The following TTLL6 variants were observed in gnomAD, a reference collection of about 807,000 sequenced individuals.
The protein encoded by TTLL6 is tubulin tyrosine ligase like 6, also known as tubulin polyglutamylase TTLL6.
TTLL6 carries 75 observed loss-of-function variants against 96.4 expected under a neutral mutation model. The observed-to-expected ratio is 0.78, with a 90% confidence interval of 0.65 to 0.94. The LOEUF is 0.94. Ranked by LOEUF, TTLL6 falls within the 40% of genes least tolerant of loss-of-function variation. The pLI, the probability that TTLL6 is intolerant of heterozygous loss-of-function variation, is 0.00. For missense variants in TTLL6, 1,030 were observed against 1,093.0 expected, an observed-to-expected ratio of 0.94 and a Z score of 0.81; for synonymous variants, 411 against 419.4, an observed-to-expected ratio of 0.98 and a Z score of 0.24.
At chr17:48,795,677 C>G (rs188987282) in intron 8 of TTLL6, among the ~76,000 whole-genome samples, 1 of 152,282 alleles carries the variant, frequency 6.6e-6, no homozygotes, top group Admixed American at 6.5e-5. Flanking sequence ...GAACATGGGC[C>G]AAGCAATGAC....
Position 48,801,271 on chromosome 17 carries a change from A to G in TTLL6, c.595T>C (p.Trp199Arg). The change falls in exon 5 of 16, where the codon TGG becomes CGG. Residue 199 changes from tryptophan (W) to arginine (R), a missense_variant. Transcript: ENST00000393382. The stretch of plus-strand genomic sequence containing the variant: ...GGCACTCACTCAGCAGGAAGACACC[A>G]GGTCCTAGGGAAAAAGCGGAAATCT... The part of the protein sequence containing the change: ...PKDFRFFPRT[W>R]CLPADWGDLQ... 3 of 1,551,700 alleles carry G rather than the reference A, an allele frequency of 1.9e-6. No homozygotes were observed. The highest frequency in any genetic ancestry group is 2.6e-6 in the Non-Finnish European group (3 of 1,146,974).
At chr17:48,767,249 C>T (rs527340961) in intron 15 of TTLL6, among the ~76,000 whole-genome samples, 5 of 152,148 alleles carry the variant, frequency 3.3e-5, no homozygotes, top group Non-Finnish European at 7.4e-5. Flanking sequence ...ATTCCCAGGG[C>T]CCCTTCCCAG....
At chr17:48,800,236 G>A (rs1445061590) in intron 5 of TTLL6, 1 of 154,584 alleles carries the variant, frequency 6.5e-6, no homozygotes, top group Non-Finnish European at 1.4e-5. Context: ...GGATCCGTCA[G>A]TCTCTCACCC....
chr17:48,787,363 C>G (rs1402918886), intron 11 of TTLL6, among the ~76,000 whole-genome samples: 1 of 152,160 alleles, frequency 6.6e-6, no homozygotes, highest in Non-Finnish European at 1.5e-5. Context: ...CCTTGCGAGA[C>G]CAGGGCAGAT....
Position 48,817,204 on chromosome 17 carries a change from C to T in TTLL6, c.-132G>A. The T allele has an allele frequency of 1.7e-6, 1 of 574,322 alleles. No homozygotes were observed. Among genetic ancestry groups the T allele is most frequent in the Non-Finnish European group, 2.9e-6 (1 of 350,056 alleles). 35.6% of individuals were successfully genotyped at this position (574,322 alleles called of 1,614,324 possible). A position where few individuals can be genotyped will look rare whatever the true frequency, so the allele number is the denominator to read the frequency against. On this transcript the variant is annotated 5_prime_UTR_variant, in exon 1 of 16. Transcript: ENST00000393382. Reference sequence around the variant, plus strand: ...AGTAGCTGCCATGCCCCCTCCCTCCCGAATCCAATTAACCGCCCAGGCGCT... The same window carrying T: ...AGTAGCTGCCATGCCCCCTCCCTCCTGAATCCAATTAACCGCCCAGGCGCT...
At chr17:48,815,007 ACCTCAGGTTATCAGCCCACCTCAG>A (rs1205704075) in intron 1 of TTLL6, among the ~76,000 whole-genome samples, 5 of 152,218 alleles carry the variant, frequency 3.3e-5, no homozygotes, top group African/African-American at 1.2e-4. Context: ...CAAACTCCCA[ACCTCAGGTTATCAGCCCACCTCAG>A]CCTCCCAAAG....
intron 13 of TTLL6, among the ~76,000 whole-genome samples, chr17:48,776,263 G>A (rs11079835): frequency 0.31 from 46,432 of 151,922 alleles, 7,377 homozygotes; most frequent in Admixed American, 0.4. Context: ...TCAGGAGATC[G>A]AGACCATCCT....
chr17:48,799,023 G>A (rs1254135209), intron 6 of TTLL6, among the ~76,000 whole-genome samples: 1 of 152,060 alleles, frequency 6.6e-6, no homozygotes, highest in Non-Finnish European at 1.5e-5. Context: ...GTTTCGTCAT[G>A]TTTCCCAGGC....
intron 9 of TTLL6, among the ~76,000 whole-genome samples, chr17:48,791,122 C>A (rs1302191773): frequency 2.0e-5 from 3 of 152,166 alleles, no homozygotes; most frequent in Non-Finnish European, 2.9e-5. Flanking sequence ...TCTTTAGAAT[C>A]ACTCTGTGCC....
chr17:48,802,162 AC>A (rs1353588277), intron 3 of TTLL6, among the ~76,000 whole-genome samples: 3 of 151,626 alleles, frequency 2.0e-5, no homozygotes, highest in Admixed American at 6.6e-5. Flanking sequence ...AAATAAAGGA[AC>A]ATGGAGAGTT....
chr17:48,794,646 C>T (rs2143397505), intron 8 of TTLL6, among the ~76,000 whole-genome samples: 1 of 152,290 alleles, frequency 6.6e-6, no homozygotes, highest in African/African-American at 2.4e-5. Context: ...TGGCTGACAT[C>T]TTCTGGAAAA....
In TTLL6 at chr17:48,784,946, C is replaced by T. The variant is rs769893175; in HGVS notation, c.2017G>A (p.Val673Met). 2 of 1,614,022 alleles carry T rather than the reference C, an allele frequency of 1.2e-6. No individual in the cohort carries two copies. The highest frequency in any genetic ancestry group is 1.7e-6 in the Non-Finnish European group (2 of 1,180,042). ...SIKEAKSASAVNVFTGTVHLT... is the reference protein window; with the variant it reads ...SIKEAKSASAMNVFTGTVHLT... ...ACCACAGTGCCAGTGAATACGTTCA[C>T]TGCAGAGGCAGACTTGGCCTCCTTG... The change falls in exon 13 of 16, where the codon GTG becomes ATG. Residue 673 changes from valine to methionine, a missense_variant. Physicochemically the swap from Val to Met is conservative, Grantham distance 21. Coordinates refer to ENST00000393382, the MANE Select transcript of TTLL6 (RefSeq NM_001130918.3).
At chr17:48,775,483 G>A (rs1343662167) in intron 13 of TTLL6, among the ~76,000 whole-genome samples, 2 of 150,776 alleles carry the variant, frequency 1.3e-5, no homozygotes, top group African/African-American at 2.4e-5. Flanking sequence ...TATATCACTT[G>A]ATGCCAAAAA....
chr17:48,799,476 C>A, intron 6 of TTLL6, 128 bp downstream of exon 6: 1 of 992,036 alleles, frequency 1.0e-6, no homozygotes, highest in African/African-American at 1.6e-5. Context: ...TGACAAAGTG[C>A]AAGGCAGAAG....
intron 1 of TTLL6, among the ~76,000 whole-genome samples, chr17:48,810,568 T>C (rs2039565110): frequency 6.6e-6 from 1 of 152,002 alleles, no homozygotes; most frequent in Non-Finnish European, 1.5e-5. Flanking sequence ...TAGTAGCGCA[T>C]ACCTATAATC....
At chr17:48,814,094 G>A (rs1160878957) in intron 1 of TTLL6, among the ~76,000 whole-genome samples, 1 of 152,134 alleles carries the variant, frequency 6.6e-6, no homozygotes, top group Non-Finnish European at 1.5e-5. Context: ...CAAGGCAGGT[G>A]GGTTACTTGA....
chr17:48,776,184 A>G (rs1404348081), intron 13 of TTLL6, among the ~76,000 whole-genome samples: 1 of 152,230 alleles, frequency 6.6e-6, no homozygotes, highest in Non-Finnish European at 1.5e-5. Context: ...ATTTAAGTCT[A>G]GGCTGGGCGC....
At chr17:48,765,272 C>T (rs1221771140) in intron 15 of TTLL6, among the ~76,000 whole-genome samples, 3 of 152,030 alleles carry the variant, frequency 2.0e-5, no homozygotes, top group Non-Finnish European at 4.4e-5. Flanking sequence ...ATTAGCTGGA[C>T]ATCATGATGT....
At chr17:48,798,395 C>T (rs972684253) in intron 6 of TTLL6, among the ~76,000 whole-genome samples, 3 of 152,036 alleles carry the variant, frequency 2.0e-5, no homozygotes, top group Admixed American at 6.6e-5. Context: ...AGTGAAACCC[C>T]GTCTCTACTA....
Sources: gnomAD v4.1 joint callset for allele counts (sites outside exome capture counted in the v4.1 genomes callset) on GRCh38, gnomAD v4.1.1 for gene constraint, MANE v1.5 for transcripts, NCBI Gene and HGNC (gene_info 2026-07-23, HGNC 2026-07-21) for gene names.